AKR1D1: variants seen among roughly 807,000 people sequenced by gnomAD.
AKR1D1 encodes the protein delta(4)-3-ketosteroid 5-beta-reductase.
A neutral mutation model predicts 42.6 loss-of-function variants in AKR1D1; 32 were observed. The ratio of observed to expected loss-of-function variants is 0.75; its 90% CI spans 0.57 to 1.01. AKR1D1 has a LOEUF of 1.01. Ranked by LOEUF, AKR1D1 falls within the 50% of genes least tolerant of loss-of-function variation. The pLI is 0.00. For synonymous variants in AKR1D1, 123 were observed against 135.5 expected (o/e 0.91, Z 0.64); for missense variants, 364 against 402.2 (o/e 0.91, Z 0.81).
chr7:138,116,403 C>T (rs1794633693), intron 8 of AKR1D1, among the ~76,000 whole-genome samples: 1 of 152,082 alleles, frequency 6.6e-6, no homozygotes, highest in Admixed American at 6.6e-5. Context: ...TGGCCACCAA[C>T]CTTCCCTCAA....
intron 7 of AKR1D1, among the ~76,000 whole-genome samples, chr7:138,109,114 T>C (rs1012452313): frequency 2.0e-5 from 3 of 152,190 alleles, no homozygotes; most frequent in Admixed American, 6.6e-5. Context: ...AGCTATGACA[T>C]ATTTGTACAC....
chr7:138,107,490 A>C lies in AKR1D1; in HGVS notation c.765A>C (p.Ala255=), dbSNP rs1409311309. 1.2e-6 allele frequency: 2 copies of C among 1,614,090 alleles called. No individual in the cohort carries two copies. The highest frequency in any genetic ancestry group is 4.5e-5 in the East Asian group (2 of 44,896). The part of the protein sequence containing the change: ...NSLGKRYNKT[A]AQIVLRFNIQ... ...TGGGGAAAAGGTACAATAAGACAGC[A>C]GCTCAAATTGTTTTGCGTTTCAACA... is the stretch of plus-strand genomic sequence containing the variant. The change falls in exon 7 of 9, where the codon GCA becomes GCC. Residue 255 remains alanine (A), a synonymous_variant. Coordinates refer to ENST00000242375, the MANE Select transcript of AKR1D1 (RefSeq NM_005989.4).
rs117534219 is a variant in AKR1D1, at chr7:138,077,208, T to C, written c.93+597T>C. Among the ~76,000 whole-genome samples the C allele has an allele frequency of 7.0e-4, 106 of 152,288 alleles. 1 individual carries two copies. The East Asian group carries it at 0.017, about 24-fold the overall frequency. The stretch of plus-strand genomic sequence containing the variant: ...GCTATTAAAGACATACCCTAGAGAC[T>C]GGGTAATTTATAAAGGAAAGAGGTT... On this transcript the variant is annotated intron_variant, in intron 1 of 8. Coordinates refer to ENST00000242375, the MANE Select transcript of AKR1D1 (RefSeq NM_005989.4).
At chr7:138,091,052 G>A (rs1011286841) in intron 2 of AKR1D1, among the ~76,000 whole-genome samples, 2 of 152,182 alleles carry the variant, frequency 1.3e-5, no homozygotes. Flanking sequence ...AAAGTATCAC[G>A]CTAGGTCAGG....
intron 1 of AKR1D1, among the ~76,000 whole-genome samples, chr7:138,081,506 CTTTTTTTTTTTTTTTTTTT>C (rs61466734): frequency 2.7e-4 from 13 of 47,620 alleles, no homozygotes; most frequent in East Asian, 6.3e-4. Flanking sequence ...GAACTCCTAC[CTTTTTTTTTTTTTTTTTTT>C]TTTTTTTTTT....
chr7:138,086,622 G>T lies in AKR1D1; in HGVS notation c.94-1979G>T, dbSNP rs144785390. 2.8e-4 allele frequency among the ~76,000 whole-genome samples: 42 copies of T among 152,204 alleles called. 1 individual carries two copies. The highest frequency in any genetic ancestry group is 9.4e-4 in the African/African-American group (39 of 41,524). On this transcript the variant is annotated intron_variant, in intron 1 of 8. Coordinates refer to ENST00000242375, the MANE Select transcript of AKR1D1 (RefSeq NM_005989.4). ...CCAAGGCTTTCTATATCCTGCCCAGGACTATAAAATCACTAGAAATACATT... is the reference window on the plus strand; with the variant it reads ...CCAAGGCTTTCTATATCCTGCCCAGTACTATAAAATCACTAGAAATACATT...
rs1275409184 is a variant in AKR1D1, at chr7:138,090,996, C to G, written c.262-772C>G. On this transcript the variant is annotated intron_variant, in intron 2 of 8. Coordinates refer to ENST00000242375, the MANE Select transcript of AKR1D1 (RefSeq NM_005989.4). Reference sequence around the variant, plus strand: ...ATGTGAAGGACCCAGTGAAGCCACACGCATAACCATATTCCTTGCTCATTT... The same window carrying G: ...ATGTGAAGGACCCAGTGAAGCCACAGGCATAACCATATTCCTTGCTCATTT... Among the ~76,000 whole-genome samples the G allele has an allele frequency of 2.6e-5, 4 of 152,208 alleles. No homozygotes were observed. In the East Asian group the frequency reaches 5.8e-4, roughly 22 times the overall value.
intron 1 of AKR1D1, 28 bp downstream of exon 1, chr7:138,076,639 G>T: frequency 6.4e-7 from 1 of 1,563,700 alleles, no homozygotes; most frequent in East Asian, 2.2e-5. Context: ...CTCTTTGCTT[G>T]CTTGTTTGTT....
At position 138,101,203 on chromosome 7, in the gene AKR1D1, T is replaced by C. The variant is rs1165182509; in HGVS notation, c.456+3260T>C. 3.3e-5 allele frequency among the ~76,000 whole-genome samples: 3 copies of C among 90,174 alleles called. No individual in the cohort carries two copies. In the South Asian group the frequency reaches 1.3e-3, roughly 40 times the overall value. The allele number at this position is 90,174 out of a possible 152,430, so 59.2% of individuals were successfully genotyped here. ...TCCCTCCCTCCCTCCCTTCCTTCCT[T>C]CCTTCCTTCCTTCCTTCCACGAGTC... On this transcript the variant is annotated intron_variant, in intron 4 of 8. Transcript: ENST00000242375.
chr7:138,082,251 G>A (rs997084286), intron 1 of AKR1D1, among the ~76,000 whole-genome samples: 32 of 152,058 alleles, frequency 2.1e-4, no homozygotes, highest in African/African-American at 7.5e-4. Flanking sequence ...TGTTTGTTTT[G>A]TTTATAGAAT....
intron 2 of AKR1D1, among the ~76,000 whole-genome samples, chr7:138,090,356 G>T (rs1794039234): frequency 6.6e-6 from 1 of 152,034 alleles, no homozygotes; most frequent in Non-Finnish European, 1.5e-5. Flanking sequence ...TATGATTCAG[G>T]CCGGGTGCAG....
chr7:138,115,439 AAAAC>A (rs963014280), intron 8 of AKR1D1, among the ~76,000 whole-genome samples: 59 of 152,298 alleles, frequency 3.9e-4, no homozygotes, highest in African/African-American at 1.3e-3. Context: ...AACAAAACAA[AAAAC>A]AAACAAACAA....
intron 7 of AKR1D1, among the ~76,000 whole-genome samples, chr7:138,109,745 G>C (rs551610480): frequency 6.6e-6 from 1 of 152,328 alleles, no homozygotes; most frequent in South Asian, 2.1e-4. Flanking sequence ...ATCTTAGAAA[G>C]AGATCAACTG....
chr7:138,088,946 C>T (rs1458134397), intron 2 of AKR1D1, among the ~76,000 whole-genome samples, 178 bp downstream of exon 2: 1 of 151,778 alleles, frequency 6.6e-6, no homozygotes, highest in Non-Finnish European at 1.5e-5. Flanking sequence ...CAAATGAGAC[C>T]AAAATCATGC....
chr7:138,092,145 GAGA>G (rs1405720937), intron 3 of AKR1D1, among the ~76,000 whole-genome samples: 2 of 152,208 alleles, frequency 1.3e-5, no homozygotes, highest in Non-Finnish European at 2.9e-5. Context: ...ACAAATACCC[GAGA>G]AGATTATGTT....
At chr7:138,094,926 C>T (rs2117440812) in intron 3 of AKR1D1, among the ~76,000 whole-genome samples, 1 of 152,034 alleles carries the variant, frequency 6.6e-6, no homozygotes, top group African/African-American at 2.4e-5. Context: ...GAATTTTAGC[C>T]AACAAAATAT....
At chr7:138,077,624 A>T (rs183100758) in intron 1 of AKR1D1, among the ~76,000 whole-genome samples, 6 of 152,366 alleles carry the variant, frequency 3.9e-5, no homozygotes, top group African/African-American at 1.4e-4. Context: ...TTATGAGAAT[A>T]TCTGTTCCTT....
At position 138,106,706 on chromosome 7, in the gene AKR1D1, G is replaced by A. The variant is rs745742597; in HGVS notation, c.678G>A (p.Arg226=). The A allele has an allele frequency of 1.9e-6, 3 of 1,609,050 alleles. No individual in the cohort carries two copies. Among genetic ancestry groups the A allele is most frequent in the African/African-American group, 1.3e-5 (1 of 74,916 alleles). Reference sequence around the variant, plus strand: ...CATATAGCCCTTTGGGGACCAGTAGGAATCCAATCTGGTAAGTAAAACTTT... The same window carrying A: ...CATATAGCCCTTTGGGGACCAGTAGAAATCCAATCTGGTAAGTAAAACTTT... The part of the protein sequence containing the change: ...ITAYSPLGTS[R]NPIWVNVSSP... Residue 226 remains arginine (R), a synonymous_variant, in exon 6 of 9, where the codon AGG becomes AGA. Transcript: ENST00000242375.
intron 4 of AKR1D1, among the ~76,000 whole-genome samples, chr7:138,098,875 A>C (rs1585732472): frequency 1.3e-5 from 2 of 152,052 alleles, no homozygotes; most frequent in East Asian, 1.9e-4. Context: ...CACTTCCTTC[A>C]CCCCTGCCAT....
Sources: gnomAD v4.1 joint callset for allele counts (sites outside exome capture counted in the v4.1 genomes callset) on GRCh38, gnomAD v4.1.1 for gene constraint, MANE v1.5 for transcripts, NCBI Gene and HGNC (gene_info 2026-07-23, HGNC 2026-07-21) for gene names.